The following SNAPC3 variants were observed in gnomAD, a reference collection of about 807,000 sequenced individuals.
SNAPC3 encodes snRNA-activating protein complex subunit 3.
Under a neutral mutation model 47.7 loss-of-function variants are expected in SNAPC3, and 56 were observed. That is an observed-to-expected ratio of 1.18 (90% CI 0.95 to 1.47). The LOEUF (loss-of-function observed/expected upper bound fraction) is 1.47, where lower values mean the gene tolerates loss of function less well. Ranked by LOEUF, SNAPC3 falls within the 40% of genes most tolerant of loss-of-function variation. The pLI, the probability that SNAPC3 is intolerant of heterozygous loss-of-function variation, is 0.00. For synonymous variants in SNAPC3, 235 were observed against 189.9 expected (o/e 1.24, Z -1.95); for missense variants, 665 against 511.3 (o/e 1.30, Z -2.90).
intron 7 of SNAPC3, 82 bp from the exon 8 acceptor site, chr9:15,457,878 G>A (rs1306043027): frequency 2.6e-6 from 2 of 776,840 alleles, no homozygotes; most frequent in Non-Finnish European, 4.2e-6. Context: ...TAATACTCAG[G>A]CACAGATATA....
chr9:15,423,801 T>G, intron 1 of SNAPC3, 108 bp from the exon 2 acceptor site: 1 of 561,968 alleles, frequency 1.8e-6, no homozygotes, highest in Non-Finnish European at 3.1e-6. Flanking sequence ...GCCTGCTGGA[T>G]TTTATCTGAC....
chr9:15,435,414 A>T (rs2032668924), intron 3 of SNAPC3, among the ~76,000 whole-genome samples: 1 of 152,146 alleles, frequency 6.6e-6, no homozygotes, highest in Non-Finnish European at 1.5e-5. Flanking sequence ...CTCTACTAAA[A>T]ATACAAAAAT....
chr9:15,437,724 C>A (rs1316226257), intron 3 of SNAPC3, among the ~76,000 whole-genome samples: 1 of 148,202 alleles, frequency 6.7e-6, no homozygotes, highest in African/African-American at 2.5e-5. Context: ...TAAATAAATT[C>A]CACTTGGTTG....
chr9:15,453,294 G>T, intron 7 of SNAPC3, 89 bp downstream of exon 7: 1 of 1,063,966 alleles, frequency 9.4e-7, no homozygotes, highest in Non-Finnish European at 1.3e-6. Flanking sequence ...AAAAATAAGA[G>T]GAGTAAAAGT....
downstream of SNAPC3, chr9:15,465,871 T>C (rs2035589164): frequency 9.7e-6 from 3 of 308,804 alleles, no homozygotes; most frequent in Non-Finnish European, 1.8e-5. Context: ...AAAAGTGAAT[T>C]CTCTTTAAAG....
chr9:15,460,663 TCA>T lies in SNAPC3; in HGVS notation c.*800_*801del, dbSNP rs1374207745. The T allele has an allele frequency of 6.6e-6, 1 of 152,334 alleles. No homozygotes were observed. Among genetic ancestry groups the T allele is most frequent in the African/African-American group, 2.4e-5 (1 of 41,472 alleles). The allele number at this position is 152,334 out of a possible 1,614,324, so 9.4% of individuals were successfully genotyped here. ...GCCTAAGCCTCCCAAAATTTTGGGA[TCA>T]CAGGCGTGAGCCACCGCGCCCGGCT... On this transcript the variant is annotated 3_prime_UTR_variant, in exon 9 of 9. Transcript: ENST00000380821.
intron 3 of SNAPC3, among the ~76,000 whole-genome samples, chr9:15,441,886 C>T (rs1227515548): frequency 2.0e-5 from 3 of 152,242 alleles, no homozygotes; most frequent in Non-Finnish European, 4.4e-5. Context: ...GTCATCATGG[C>T]CCGTTCTCAA....
At position 15,442,936 on chromosome 9, in the gene SNAPC3, A is replaced by C. The variant is rs1048884238; in HGVS notation, c.478-1666A>C. Among the ~76,000 whole-genome samples, 4 of 152,240 alleles carry C rather than the reference A, an allele frequency of 2.6e-5. No homozygotes were observed. The East Asian group carries it at 7.7e-4, about 29-fold the overall frequency. On this transcript the variant is annotated intron_variant, in intron 3 of 8. Transcript: ENST00000380821. The stretch of plus-strand genomic sequence containing the variant: ...GCAATCCCGGCACCTCGGGAGGCTG[A>C]GGCTGGCAGATCACTCGCAGTTAGG...
At chr9:15,423,825 A>G (rs150812741) in intron 1 of SNAPC3, 84 bp from the exon 2 acceptor site, 134 of 698,252 alleles carry the variant, frequency 1.9e-4, no homozygotes, top group African/African-American at 1.9e-3. Context: ...GTAATTCAGT[A>G]ATGTATTTAG....
chr9:15,449,245 A>G (rs368364299), intron 5 of SNAPC3, among the ~76,000 whole-genome samples: 29 of 152,192 alleles, frequency 1.9e-4, no homozygotes, highest in African/African-American at 6.3e-4. Flanking sequence ...CTTCACTCCA[A>G]CCATCTGAAC....
chr9:15,458,970 T>G (rs2034999255), intron 8 of SNAPC3, among the ~76,000 whole-genome samples: 1 of 152,124 alleles, frequency 6.6e-6, no homozygotes, highest in Non-Finnish European at 1.5e-5. Flanking sequence ...CTGAAAAAAA[T>G]CTGCAATTTG....
chr9:15,424,535 A>G (rs941862609), intron 2 of SNAPC3, among the ~76,000 whole-genome samples: 1 of 151,260 alleles, frequency 6.6e-6, no homozygotes, highest in African/African-American at 2.5e-5. Flanking sequence ...TGGAATTAAA[A>G]AAGACAAACA....
chr9:15,439,681 C>G (rs1340596930), intron 3 of SNAPC3, among the ~76,000 whole-genome samples: 1 of 152,036 alleles, frequency 6.6e-6, no homozygotes, highest in African/African-American at 2.4e-5. Flanking sequence ...ACTACAAGCA[C>G]CCACCACCAC....
intron 7 of SNAPC3, among the ~76,000 whole-genome samples, chr9:15,456,174 T>C (rs911960705): frequency 3.3e-5 from 5 of 150,688 alleles, no homozygotes; most frequent in Non-Finnish European, 3.0e-5. Flanking sequence ...ATGCCAGGCC[T>C]AATTTTTGTA....
chr9:15,466,679 G>T, downstream of SNAPC3: 3 of 1,224,914 alleles, frequency 2.4e-6, no homozygotes, highest in Non-Finnish European at 2.3e-6. Flanking sequence ...AGATAACCTT[G>T]GAACAGAACT....
chr9:15,463,554 G>C (rs918235744), downstream of SNAPC3: 1 of 151,734 alleles, frequency 6.6e-6, no homozygotes, highest in African/African-American at 2.4e-5. Context: ...TTACCTTTTG[G>C]TGCCTTGTCA....
At chr9:15,456,870 C>A (rs2034838640) in intron 7 of SNAPC3, among the ~76,000 whole-genome samples, 1 of 152,156 alleles carries the variant, frequency 6.6e-6, no homozygotes, top group South Asian at 2.1e-4. Context: ...TGGATTTAAT[C>A]ATTCATTGCC....
chr9:15,443,630 G>C (rs554730126), intron 3 of SNAPC3, among the ~76,000 whole-genome samples: 2 of 152,252 alleles, frequency 1.3e-5, no homozygotes, highest in East Asian at 1.9e-4. Context: ...TATAGATCCT[G>C]CTGGGGGAAG....
At chr9:15,456,844 A>G (rs550692720) in intron 7 of SNAPC3, among the ~76,000 whole-genome samples, 21 of 152,296 alleles carry the variant, frequency 1.4e-4, no homozygotes, top group Admixed American at 2.6e-4. Context: ...TATAGAAGTC[A>G]TTTTTATCTT....
Sources: gnomAD v4.1 joint callset for allele counts (sites outside exome capture counted in the v4.1 genomes callset) on GRCh38, gnomAD v4.1.1 for gene constraint, MANE v1.5 for transcripts, NCBI Gene and HGNC (gene_info 2026-07-23, HGNC 2026-07-21) for gene names.